Variants in FMO3 observed in about 807,000 individuals in gnomAD.
The protein encoded by FMO3 is flavin containing dimethylaniline monoxygenase 3.
Under a neutral mutation model 39.4 loss-of-function variants are expected in FMO3, and 40 were observed. That is an observed-to-expected ratio of 1.02 (90% CI 0.79 to 1.32). The LOEUF is 1.32. Among genes scored for constraint, FMO3 ranks in the 40% most tolerant of loss-of-function variants. The probability of loss-of-function intolerance (pLI) is 0.00; values close to 1 mark genes in which losing one functional copy is unlikely to be tolerated. For synonymous variants in FMO3, 219 were observed against 228.8 expected (o/e 0.96, Z 0.39); for missense variants, 680 against 651.8 (o/e 1.04, Z -0.47).
At chr1:171,113,427 T>C (rs1252919157) in intron 6 of FMO3, among the ~76,000 whole-genome samples, 1 of 152,160 alleles carries the variant, frequency 6.6e-6, no homozygotes, top group Non-Finnish European at 1.5e-5. Context: ...CACCTTTGAC[T>C]TTCCTCCTCC....
rs10594148 is a variant in FMO3 at position 171,091,892 on chromosome 1, C to CGT, written c.-6-742_-6-741dup. On this transcript the variant is annotated intron_variant, in intron 1 of 8. Transcript: ENST00000367755. ...CTAAGTAAAAAGAAGATACAGATTG[C>CGT]GTGTGTGTGTGTGTGTGTGTATGAC... 2.2e-3 allele frequency among the ~76,000 whole-genome samples: 328 copies of CGT among 147,426 alleles called. 3 individuals are homozygous for CGT. The highest frequency in any genetic ancestry group is 7.1e-3 in the Middle Eastern group (2 of 280).
intron 1 of FMO3, 87 bp from the exon 2 acceptor site, chr1:171,092,566 A>G: frequency 1.3e-6 from 2 of 1,513,248 alleles, no homozygotes; most frequent in South Asian, 2.3e-5. Flanking sequence ...TATTAAGCCA[A>G]AGAGCGAAAT....
chr1:171,096,124 AATATAGTAAT>A lies in FMO3; in HGVS notation c.132+3335_132+3344del, dbSNP rs1655020802. On this transcript the variant is annotated intron_variant, in intron 2 of 8. Transcript: ENST00000367755. ...ATATAATTAATTATTATATATTAAT[AATATAGTAAT>A]TATTATATATTGATATGAATATATA... Among the ~76,000 whole-genome samples the A allele has an allele frequency of 1.0e-4, 8 of 76,598 alleles. 1 individual carries two copies. Among genetic ancestry groups the A allele is most frequent in the African/African-American group, 4.5e-4 (8 of 17,662 alleles). 50.3% of individuals were successfully genotyped at this position (76,598 alleles called of 152,430 possible). A position where few individuals can be genotyped will look rare whatever the true frequency, so the allele number is the denominator to read the frequency against.
At chr1:171,093,827 C>CTTTTTTTTTTTTTT (rs1228257104) in intron 2 of FMO3, among the ~76,000 whole-genome samples, 2 of 75,290 alleles carry the variant, frequency 2.7e-5, no homozygotes, top group East Asian at 5.1e-4. Context: ...TCACTAATAT[C>CTTTTTTTTTTTTTT]TTTTTTTTTT....
chr1:171,105,843 G>T (rs28363538), intron 3 of FMO3, among the ~76,000 whole-genome samples: 72 of 151,982 alleles, frequency 4.7e-4, no homozygotes, highest in African/African-American at 1.6e-3. Context: ...AAAATCAAAA[G>T]AAAACTCTCG....
Position 171,117,465 on chromosome 1 carries a change from T to G in FMO3, c.*23T>G. The G allele has an allele frequency of 3.1e-6, 5 of 1,589,274 alleles. No individual in the cohort carries two copies. The highest frequency in any genetic ancestry group is 4.3e-6 in the Non-Finnish European group (5 of 1,159,302). ...TAATCATCATTTTCTCTAGGATTTC[T>G]GAAAGTTACTGACAATACCCAGACA... On this transcript the variant is annotated 3_prime_UTR_variant, in exon 9 of 9. Transcript: ENST00000367755.
rs1173152917 is a variant in FMO3, at chr1:171,114,203, A to G, written c.1024A>G (p.Ile342Val). 3 of 1,613,826 alleles carry G rather than the reference A, an allele frequency of 1.9e-6. No individual in the cohort carries two copies. The highest frequency in any genetic ancestry group is 2.2e-5 in the East Asian group (1 of 44,862). The change falls in exon 7 of 9, where the codon ATC becomes GTC. Residue 342 changes from isoleucine to valine, a missense_variant. Physicochemically the swap from Ile to Val is conservative, Grantham distance 29 (BLOSUM62 3). Coordinates refer to ENST00000367755, the MANE Select transcript of FMO3 (RefSeq NM_001002294.3). ...TGCCTACCCCTTCCTTGATGAGTCTATCATCAAAAGCAGAAACAATGAGAT... is the reference window on the plus strand; with the variant it reads ...TGCCTACCCCTTCCTTGATGAGTCTGTCATCAAAAGCAGAAACAATGAGAT... ...SFAYPFLDES[I>V]IKSRNNEIIL...
intron 7 of FMO3, among the ~76,000 whole-genome samples, 162 bp downstream of exon 7, chr1:171,114,524 T>C (rs1480861601): frequency 6.6e-6 from 1 of 152,220 alleles, no homozygotes; most frequent in Non-Finnish European, 1.5e-5. Context: ...ATTTAAAGTA[T>C]ACCAGTTTGG....
At chr1:171,107,139 C>A (rs1404018031) in intron 3 of FMO3, among the ~76,000 whole-genome samples, 1 of 152,060 alleles carries the variant, frequency 6.6e-6, no homozygotes, top group Admixed American at 6.6e-5. Flanking sequence ...TAGCTGTGAA[C>A]AAATATTTAT....
intron 2 of FMO3, among the ~76,000 whole-genome samples, chr1:171,103,419 T>A (rs1655494012): frequency 6.6e-6 from 1 of 152,114 alleles, no homozygotes; most frequent in Non-Finnish European, 1.5e-5. Context: ...CACTTGGCCA[T>A]CTGTTTTTGC....
At chr1:171,106,415 C>T (rs10797877) in intron 3 of FMO3, among the ~76,000 whole-genome samples, 80,069 of 151,850 alleles carry the variant, frequency 0.53, 21,699 homozygotes, top group African/African-American at 0.67. Context: ...ACTGGGATTA[C>T]AGGCGTAAGC....
intron 2 of FMO3, among the ~76,000 whole-genome samples, chr1:171,098,520 G>C (rs1557935873): frequency 6.6e-6 from 1 of 152,062 alleles, no homozygotes; most frequent in Non-Finnish European, 1.5e-5. Flanking sequence ...CTTGTAAGTT[G>C]GATTCCTAGG....
chr1:171,113,035 G>A (rs1310377326), intron 6 of FMO3, among the ~76,000 whole-genome samples: 1 of 152,104 alleles, frequency 6.6e-6, no homozygotes, highest in East Asian at 1.9e-4. Context: ...GGAAAGTGAG[G>A]GTGGACCACT....
chr1:171,094,979 G>A (rs1654885269), intron 2 of FMO3, among the ~76,000 whole-genome samples: 1 of 152,096 alleles, frequency 6.6e-6, no homozygotes, highest in East Asian at 1.9e-4. Flanking sequence ...AAATGGCATT[G>A]ATATTTTGTT....
chr1:171,096,015 A>G (rs1654974377), intron 2 of FMO3, among the ~76,000 whole-genome samples: 2 of 43,282 alleles, frequency 4.6e-5, no homozygotes, highest in East Asian at 1.0e-3. Context: ...TAATATACAT[A>G]TTATATATTA....
chr1:171,095,564 T>C (rs546864329), intron 2 of FMO3, among the ~76,000 whole-genome samples: 1 of 151,192 alleles, frequency 6.6e-6, no homozygotes, highest in Non-Finnish European at 1.5e-5. Context: ...CAGTATTATA[T>C]TATTTACCTC....
chr1:171,097,979 T>G (rs78846717), intron 2 of FMO3, among the ~76,000 whole-genome samples: 52,214 of 151,990 alleles, frequency 0.34, 9,677 homozygotes, highest in South Asian at 0.47. Context: ...AAGGTGTAAG[T>G]AAGGGATCCA....
In FMO3 at chr1:171,099,576, A is replaced by AT. The variant is rs533460338; in HGVS notation, c.133-4201dup. Among the ~76,000 whole-genome samples, 57 of 151,674 alleles carry AT rather than the reference A, an allele frequency of 3.8e-4. No homozygotes were observed. The South Asian group carries it at 6.1e-3, about 16-fold the overall frequency. ...TATAGTAATCCTATAAGCTAGGTAT[A>AT]TTTTTTTTCCTTTTACAAATGAATT... On this transcript the variant is annotated intron_variant, in intron 2 of 8. Transcript: ENST00000367755.
At chr1:171,101,734 C>A (rs564633151) in intron 2 of FMO3, 2 of 517,436 alleles carry the variant, frequency 3.9e-6, no homozygotes, top group Admixed American at 2.0e-5. Context: ...AGAAGGAGGA[C>A]ATTTCACCCA....
Sources: gnomAD v4.1 joint callset for allele counts (sites outside exome capture counted in the v4.1 genomes callset) on GRCh38, gnomAD v4.1.1 for gene constraint, MANE v1.5 for transcripts, NCBI Gene and HGNC (gene_info 2026-07-23, HGNC 2026-07-21) for gene names.